Variants in GPM6A observed in about 807,000 individuals in gnomAD.
The protein encoded by GPM6A is neuronal membrane glycoprotein M6-a.
Under a neutral mutation model 32.1 loss-of-function variants are expected in GPM6A, and 7 were observed. The ratio of observed to expected loss-of-function variants is 0.22; its 90% confidence interval spans 0.12 to 0.41. The LOEUF (loss-of-function observed/expected upper bound fraction) is 0.41. GPM6A is among the 10% of genes least tolerant of loss of function. GPM6A has a pLI of 1.00. For missense variants in GPM6A, 235 were observed against 347.2 expected, an observed-to-expected ratio of 0.68 and a Z score of 2.57; for synonymous variants, 130 against 123.4, an observed-to-expected ratio of 1.05 and a Z score of -0.35.
chr4:175,986,265 T>C (rs1400606520), intron 1 of GPM6A, among the ~76,000 whole-genome samples: 2 of 152,212 alleles, frequency 1.3e-5, no homozygotes. Flanking sequence ...CCAGGTGTGA[T>C]GCCTCATGCT....
intron 6 of GPM6A, among the ~76,000 whole-genome samples, chr4:175,638,175 T>C (rs1050914672): frequency 6.6e-6 from 1 of 151,080 alleles, no homozygotes; most frequent in South Asian, 2.1e-4. Flanking sequence ...TTAATAACAT[T>C]ACAATTACTA....
At chr4:175,714,140 G>A (rs1179761065) in intron 1 of GPM6A, among the ~76,000 whole-genome samples, 1 of 152,020 alleles carries the variant, frequency 6.6e-6, no homozygotes, top group African/African-American at 2.4e-5. Flanking sequence ...AAGTTCTTCA[G>A]TTCATTCTGA....
At chr4:175,748,097 C>T (rs1732179656) in intron 1 of GPM6A, among the ~76,000 whole-genome samples, 1 of 152,144 alleles carries the variant, frequency 6.6e-6, no homozygotes, top group Non-Finnish European at 1.5e-5. Context: ...TTCTAGTTCT[C>T]TTGTTCTTTC....
At chr4:175,775,188 T>C (rs368124633) in intron 1 of GPM6A, among the ~76,000 whole-genome samples, 159 of 152,230 alleles carry the variant, frequency 1.0e-3, no homozygotes, top group African/African-American at 3.3e-3. Context: ...ATCTCCAAAA[T>C]GTTTGCAGTT....
chr4:175,890,004 TA>T (rs1737589593), intron 1 of GPM6A, among the ~76,000 whole-genome samples: 1 of 151,728 alleles, frequency 6.6e-6, no homozygotes. Context: ...CCAAATAATA[TA>T]AACAAGCCAT....
At chr4:175,675,261 T>C (rs1743301471) in intron 2 of GPM6A, among the ~76,000 whole-genome samples, 1 of 150,922 alleles carries the variant, frequency 6.6e-6, no homozygotes, top group Non-Finnish European at 1.5e-5. Context: ...ATATATTATA[T>C]ATATATCTGC....
At chr4:175,753,305 G>A (rs1462944323) in intron 1 of GPM6A, among the ~76,000 whole-genome samples, 3 of 151,998 alleles carry the variant, frequency 2.0e-5, no homozygotes, top group Admixed American at 2.0e-4. Flanking sequence ...TGAGAAAGCT[G>A]TTCAAAATGA....
At chr4:175,860,364 A>T (rs1182561488) in intron 1 of GPM6A, among the ~76,000 whole-genome samples, 1 of 152,180 alleles carries the variant, frequency 6.6e-6, no homozygotes, top group African/African-American at 2.4e-5. Context: ...TTAAGGAGGG[A>T]TCATCACTAC....
chr4:175,930,315 A>G (rs1738986672), intron 1 of GPM6A, among the ~76,000 whole-genome samples: 1 of 152,062 alleles, frequency 6.6e-6, no homozygotes, highest in African/African-American at 2.4e-5. Flanking sequence ...CCATGTTAAT[A>G]TTCTTCTTTT....
chr4:175,877,346 A>C lies in GPM6A; in HGVS notation c.-22-65097T>G, dbSNP rs146371068. Among the ~76,000 whole-genome samples the C allele has an allele frequency of 3.0e-3, 455 of 152,228 alleles. 2 individuals are homozygous for C. Among genetic ancestry groups the C allele is most frequent in the Non-Finnish European group, 4.9e-3 (331 of 68,014 alleles). On this transcript the variant is annotated intron_variant, in intron 1 of 7. Coordinates refer to the GPM6A transcript ENST00000280187. ...CAGCAAGTCTGTTACAGTGTTCTAGACTCAAAGCAAGCAAAGGCAGTTAAG... is the reference window on the plus strand; with the variant it reads ...CAGCAAGTCTGTTACAGTGTTCTAGCCTCAAAGCAAGCAAAGGCAGTTAAG...
intron 1 of GPM6A, among the ~76,000 whole-genome samples, chr4:175,834,541 C>T (rs767340663): frequency 4.6e-5 from 7 of 152,050 alleles, no homozygotes; most frequent in Non-Finnish European, 8.8e-5. Flanking sequence ...ACTCACATTG[C>T]TTGAGTATGT....
intron 1 of GPM6A, among the ~76,000 whole-genome samples, chr4:175,942,778 T>C (rs554446884): frequency 1.6e-4 from 25 of 152,232 alleles, no homozygotes; most frequent in Non-Finnish European, 3.5e-4. Flanking sequence ...TTGGTTACTG[T>C]AGCCTTGTAG....
At chr4:175,985,286 C>A (rs2126450091) in intron 1 of GPM6A, among the ~76,000 whole-genome samples, 1 of 152,204 alleles carries the variant, frequency 6.6e-6, no homozygotes, top group African/African-American at 2.4e-5. Context: ...TGCTTTCTGC[C>A]ATTAAAATCT....
chr4:175,909,667 C>T (rs1295393941), intron 1 of GPM6A, among the ~76,000 whole-genome samples: 2 of 151,974 alleles, frequency 1.3e-5, no homozygotes, highest in East Asian at 3.9e-4. Flanking sequence ...AAAGGAAGAG[C>T]AATAACGAGA....
At chr4:175,703,290 G>A (rs555584315) in intron 1 of GPM6A, among the ~76,000 whole-genome samples, 2 of 152,172 alleles carry the variant, frequency 1.3e-5, no homozygotes, top group South Asian at 2.1e-4. Context: ...TCCTGCCTCA[G>A]CCTCCCGAGT....
intron 1 of GPM6A, among the ~76,000 whole-genome samples, chr4:175,832,959 T>C (rs545684930): frequency 6.6e-6 from 1 of 152,256 alleles, no homozygotes; most frequent in East Asian, 1.9e-4. Context: ...ATCATCTCCA[T>C]TTCAGACTTT....
chr4:175,869,401 A>G (rs1283425849), intron 1 of GPM6A, among the ~76,000 whole-genome samples: 1 of 152,222 alleles, frequency 6.6e-6, no homozygotes, highest in Non-Finnish European at 1.5e-5. Context: ...AAAAGGGAGC[A>G]CATATACCCA....
intron 2 of GPM6A, among the ~76,000 whole-genome samples, chr4:175,693,057 T>C (rs1474225373): frequency 6.6e-6 from 1 of 152,018 alleles, no homozygotes; most frequent in African/African-American, 2.4e-5. Flanking sequence ...TACCATTCTT[T>C]ATTTGTATCT....
At chr4:175,882,924 C>G (rs759302299) in intron 1 of GPM6A, among the ~76,000 whole-genome samples, 22 of 151,848 alleles carry the variant, frequency 1.4e-4, no homozygotes, top group Non-Finnish European at 2.5e-4. Context: ...ACCAAGCAGT[C>G]AAGATGATAA....
Sources: allele counts gnomAD v4.1 joint callset (sites outside exome capture counted in the v4.1 genomes callset), GRCh38; gene constraint gnomAD v4.1.1; transcripts MANE v1.5; gene names NCBI Gene and HGNC (gene_info 2026-07-23, HGNC 2026-07-21).